Variants in COL18A1 observed in about 807,000 individuals in gnomAD.
COL18A1 encodes collagen alpha-1(XVIII) chain.
A neutral mutation model predicts 168.0 loss-of-function variants in COL18A1; 133 were observed. The ratio of observed to expected loss-of-function variants is 0.79; its 90% CI spans 0.69 to 0.91. The LOEUF is 0.91. COL18A1 is among the 40% of genes least tolerant of loss of function. The pLI, the probability that COL18A1 is intolerant of heterozygous loss-of-function variation, is 0.00. For missense variants in COL18A1, 2,126 were observed against 1,925.4 expected (o/e 1.10, Z -1.95); for synonymous variants, 949 against 809.0 (o/e 1.17, Z -2.94).
chr21:45,418,827 G>T lies in COL18A1; in HGVS notation c.106+13354G>T, dbSNP rs1156565142. On this transcript the variant is annotated intron_variant, in intron 2 of 41. Transcript: ENST00000651438. ...CCTCCCACCCCGACCTCCTGTGCCTGCGGCCCTGCGAGGCGTGATGGCCAA... is the reference window on the plus strand; with the variant it reads ...CCTCCCACCCCGACCTCCTGTGCCTTCGGCCCTGCGAGGCGTGATGGCCAA... Among the ~76,000 whole-genome samples, 5 of 152,322 alleles carry T rather than the reference G, an allele frequency of 3.3e-5. No homozygotes were observed. In the South Asian group the frequency reaches 1.0e-3, roughly 32 times the overall value.
Position 45,473,517 on chromosome 21 carries a change from T to C in COL18A1, c.652-378T>C, listed in dbSNP as rs1480262974. Among the ~76,000 whole-genome samples the C allele has an allele frequency of 6.6e-6, 1 of 152,078 alleles. No individual in the cohort carries two copies. The highest frequency in any genetic ancestry group is 2.4e-5 in the African/African-American group (1 of 41,386). On this transcript the variant is annotated intron_variant, in intron 3 of 41. Coordinates refer to ENST00000651438, the MANE Select transcript of COL18A1 (RefSeq NM_001379500.1). This position sits in a 1 kb window ranked among gnomAD's most constrained non-coding sequence, Gnocchi z 4.0. ...GGTGCTTGCGTAAAGCTCCCGGGAC[T>C]TGGGGTTGGGGGACTTGACCTGCAG...
chr21:45,458,502 C>T (rs1231959155), intron 2 of COL18A1, among the ~76,000 whole-genome samples: 1 of 152,134 alleles, frequency 6.6e-6, no homozygotes, highest in African/African-American at 2.4e-5. Flanking sequence ...TCCTGGGTCC[C>T]ACTCATCCTC....
intron 15 of COL18A1, among the ~76,000 whole-genome samples, chr21:45,486,027 G>A (rs1433475342): frequency 6.6e-6 from 1 of 152,218 alleles, no homozygotes; most frequent in Non-Finnish European, 1.5e-5. Context: ...CCACGTCACA[G>A]CGGGACCCCT....
intron 32 of COL18A1, among the ~76,000 whole-genome samples, chr21:45,499,897 C>T (rs2036681740): frequency 6.6e-6 from 1 of 152,188 alleles, no homozygotes; most frequent in Non-Finnish European, 1.5e-5. Context: ...AGGGAATAAA[C>T]AGTAGATTTA....
At position 45,505,441 on chromosome 21, in the gene COL18A1, T is replaced by C; in HGVS notation, c.3087+10T>C. 6 of 1,486,746 alleles carry C rather than the reference T, an allele frequency of 4.0e-6. No homozygotes were observed. Among genetic ancestry groups the C allele is most frequent in the Non-Finnish European group, 5.5e-6 (6 of 1,084,360 alleles). 92.1% of individuals were successfully genotyped at this position (1,486,746 alleles called of 1,614,324 possible). A position where few individuals can be genotyped will look rare whatever the true frequency, so the allele number is the denominator to read the frequency against. ...GGGCGCCTCCTCAGGGGTAAGTGTC[T>C]GGGCAGCCGGCTGGGCACCTGCGTC... On this transcript the variant is annotated intron_variant, in intron 36 of 41. Transcript: ENST00000651438.
rs1474541415 is a variant in COL18A1 at position 45,457,538 on chromosome 21, C to T, written c.107-10704C>T. ...CCGTGTGGCCTGGCCTTGTTGCTGG[C>T]TGGACAGTTGGGGGCAGGAAGAGGA... is the stretch of plus-strand genomic sequence containing the variant. On this transcript the variant is annotated intron_variant, in intron 2 of 41. Transcript: ENST00000651438. The surrounding 1 kb of genome is among the most constrained non-coding windows in gnomAD (Gnocchi z 4.6). 6.6e-6 allele frequency among the ~76,000 whole-genome samples: 1 copy of T among 152,088 alleles called. No individual in the cohort carries two copies. The highest frequency in any genetic ancestry group is 1.5e-5 in the Non-Finnish European group (1 of 68,030).
intron 2 of COL18A1, chr21:45,456,616 C>G: frequency 6.5e-7 from 1 of 1,539,940 alleles, no homozygotes; most frequent in Middle Eastern, 1.7e-4. Flanking sequence ...ACCACGAGAG[C>G]GGCGAGCAGG....
Position 45,489,761 on chromosome 21 carries a change from G to A in COL18A1, c.1959+240G>A, listed in dbSNP as rs535797822. The stretch of plus-strand genomic sequence containing the variant: ...CAGGAACATGGCCTTCCTCCCTCCC[G>A]GCTGTCTGGCTGTGCAGGCCCCGTC... On this transcript the variant is annotated intron_variant, in intron 19 of 41. Transcript: ENST00000651438. Among the ~76,000 whole-genome samples the A allele has an allele frequency of 2.9e-4, 42 of 144,848 alleles. No individual in the cohort carries two copies. In the South Asian group the frequency reaches 0.01, roughly 35 times the overall value.
At position 45,490,355 on chromosome 21, in the gene COL18A1, C is replaced by T. The variant is rs780751282; in HGVS notation, c.2031+9C>T. ...GCATTGCTGGGCCCCAGGTGAGTTG[C>T]CTTGGTGGGCCCAGGGTGCAGGGGG... On this transcript the variant is annotated intron_variant, in intron 20 of 41. Coordinates refer to ENST00000651438, the MANE Select transcript of COL18A1 (RefSeq NM_001379500.1). The T allele has an allele frequency of 1.1e-5, 17 of 1,565,822 alleles. No homozygotes were observed. The highest frequency in any genetic ancestry group is 3.4e-4 in the Middle Eastern group (2 of 5,886).
intron 2 of COL18A1, chr21:45,455,723 A>G (rs1164631493): frequency 6.2e-7 from 1 of 1,613,374 alleles, no homozygotes; most frequent in Non-Finnish European, 8.5e-7. Context: ...CACACACGTG[A>G]CCCCCCGGAA....
Position 45,489,535 on chromosome 21 carries a change from C to G in COL18A1, c.1959+14C>G. The G allele has an allele frequency of 6.3e-7, 1 of 1,580,468 alleles. No individual in the cohort carries two copies. Among genetic ancestry groups the G allele is most frequent in the Non-Finnish European group, 8.6e-7 (1 of 1,159,228 alleles). ...CCGGGGGCGAAGGTAAGCGCTGTGC[C>G]CGGGTTCAGGGACGTGGCCAGGCAG... On this transcript the variant is annotated intron_variant, in intron 19 of 41. Transcript: ENST00000651438.
In COL18A1 at chr21:45,487,591, C is replaced by T. The variant is rs541301783; in HGVS notation, c.1896+82C>T. The T allele has an allele frequency of 6.1e-4, 962 of 1,569,402 alleles. 14 individuals are homozygous for T. The South Asian group carries it at 0.01, about 16-fold the overall frequency. ...GCAGGAGAGTGTCCCTGAGAGCCAC[C>T]GGCCTTGCATGGGATCGGAAGCCGC... is the stretch of plus-strand genomic sequence containing the variant. On this transcript the variant is annotated intron_variant, in intron 17 of 41. Coordinates refer to ENST00000651438, the MANE Select transcript of COL18A1 (RefSeq NM_001379500.1).
chr21:45,497,828 T>C lies in COL18A1; in HGVS notation c.2683+167T>C, dbSNP rs532767288. 227 of 899,182 alleles carry C rather than the reference T, an allele frequency of 2.5e-4. 2 individuals are homozygous for C. Among genetic ancestry groups the C allele is most frequent in the Admixed American group, 1.8e-3 (78 of 43,108 alleles). 55.7% of individuals were successfully genotyped at this position (899,182 alleles called of 1,614,324 possible). A position where few individuals can be genotyped will look rare whatever the true frequency, so the allele number is the denominator to read the frequency against. On this transcript the variant is annotated intron_variant, in intron 32 of 41. Transcript: ENST00000651438. ...CCCTTCTGGGTTGATGGGGGCCTCA[T>C]AGGACCTGGATTTGGGGGCGAGGGT... is the stretch of plus-strand genomic sequence containing the variant.
At chr21:45,489,607 G>A (rs370152883) in intron 19 of COL18A1, 86 bp downstream of exon 19, 45 of 844,988 alleles carry the variant, frequency 5.3e-5, no homozygotes, top group African/African-American at 4.8e-4. Flanking sequence ...AGCTCGGGGC[G>A]GCCTTCCCCG....
At chr21:45,485,462 C>T (rs192532813) in intron 15 of COL18A1, among the ~76,000 whole-genome samples, 7 of 151,974 alleles carry the variant, frequency 4.6e-5, no homozygotes, top group Admixed American at 1.3e-4. Context: ...TGCCACTGTG[C>T]TCTAGCCTGG....
chr21:45,428,061 G>T (rs577592921), intron 2 of COL18A1, among the ~76,000 whole-genome samples: 96 of 152,294 alleles, frequency 6.3e-4, no homozygotes, highest in Non-Finnish European at 1.2e-3. Context: ...AAGGCCCGTC[G>T]GCACCACCTC....
intron 2 of COL18A1, among the ~76,000 whole-genome samples, chr21:45,418,468 G>A (rs1266943598): frequency 2.0e-5 from 3 of 152,144 alleles, no homozygotes; most frequent in East Asian, 3.9e-4. Context: ...AACAGCTGCC[G>A]GGTGTTTAGA....
rs2035410668 is a variant in COL18A1, at chr21:45,471,056, G to A, written c.651+2270G>A. 1.3e-5 allele frequency among the ~76,000 whole-genome samples: 2 copies of A among 149,926 alleles called. No individual in the cohort carries two copies. Among genetic ancestry groups the A allele is most frequent in the Non-Finnish European group, 3.0e-5 (2 of 67,478 alleles). On this transcript the variant is annotated intron_variant, in intron 3 of 41. Coordinates refer to ENST00000651438, the MANE Select transcript of COL18A1 (RefSeq NM_001379500.1). The surrounding 1 kb of genome is among the most constrained non-coding windows in gnomAD (Gnocchi z 4.4). ...CTGCTGGGTGTGGGTGGCGCGCTACGGGCCTTGTGCTGCTGGGCCTGGGTG... is the reference window on the plus strand; with the variant it reads ...CTGCTGGGTGTGGGTGGCGCGCTACAGGCCTTGTGCTGCTGGGCCTGGGTG...
chr21:45,494,514 C>T lies in COL18A1; in HGVS notation c.2353-31C>T, dbSNP rs368685220. 3 of 1,613,316 alleles carry T rather than the reference C, an allele frequency of 1.9e-6. No individual in the cohort carries two copies. The African/African-American group carries it at 4.0e-5, about 21-fold the overall frequency. On this transcript the variant is annotated intron_variant, in intron 26 of 41. Transcript: ENST00000651438. Reference sequence around the variant, plus strand: ...CTGCCAGGTGGGGCACAAGCTGCCACCTAACCCTGTCTTCTTGTTTTTTTG... The same window carrying T: ...CTGCCAGGTGGGGCACAAGCTGCCATCTAACCCTGTCTTCTTGTTTTTTTG...
Sources: gnomAD v4.1 joint callset for allele counts (sites outside exome capture counted in the v4.1 genomes callset) on GRCh38, gnomAD v4.1.1 for gene constraint, Gnocchi (gnomAD v3.1) non-coding constraint, MANE v1.5 for transcripts, NCBI Gene and HGNC (gene_info 2026-07-23, HGNC 2026-07-21) for gene names.